The following CHLSN variants were observed in gnomAD, a reference collection of about 807,000 sequenced individuals.
CHLSN encodes the protein protein cholesin.
chr7:1,003,524 T>TG, the CHLSN span, among the ~76,000 whole-genome samples: 1 of 34,072 alleles, frequency 2.9e-5, no homozygotes. Flanking sequence ...TGGGGAGTCC[T>TG]TGGGTGAGTG....
chr7:1,015,343 G>A, the CHLSN span, among the ~76,000 whole-genome samples: 1 of 152,208 alleles, frequency 6.6e-6, no homozygotes, highest in East Asian at 1.9e-4. Flanking sequence ...GCACCAGCAG[G>A]TCTTTGTCAA....
At chr7:1,061,483 G>A in the CHLSN span, among the ~76,000 whole-genome samples, 1 of 152,046 alleles carries the variant, frequency 6.6e-6, no homozygotes, top group Admixed American at 6.5e-5. Flanking sequence ...TGAGCGCCAA[G>A]GCCTCCGTCC....
the CHLSN span, among the ~76,000 whole-genome samples, chr7:1,021,139 C>T: frequency 6.6e-6 from 1 of 151,474 alleles, no homozygotes; most frequent in Non-Finnish European, 1.5e-5. Context: ...AGGCTGGAGA[C>T]ATTCCAGTAG....
At chr7:992,834 C>T in the CHLSN span, among the ~76,000 whole-genome samples, 1 of 152,218 alleles carries the variant, frequency 6.6e-6, no homozygotes, top group Non-Finnish European at 1.5e-5. Context: ...CAGCCTAGCG[C>T]CCAGCTGTCT....
chr7:1,058,819 G>A, the CHLSN span: 1 of 411,086 alleles, frequency 2.4e-6, no homozygotes, highest in Admixed American at 4.2e-5. Context: ...TGTCAATGAA[G>A]TGATGAAAGC....
the CHLSN span, chr7:987,548 C>A: frequency 1.3e-6 from 2 of 1,503,612 alleles, no homozygotes; most frequent in East Asian, 5.0e-5. Context: ...CTGGGCCTCC[C>A]TTGCCCCTTC....
chr7:1,070,591 C>T, the CHLSN span, among the ~76,000 whole-genome samples: 533 of 143,860 alleles, frequency 3.7e-3, 5 homozygotes, highest in African/African-American at 0.012. Context: ...CACACGGACA[C>T]GCACACACAT....
At chr7:1,079,605 C>T in the CHLSN span, among the ~76,000 whole-genome samples, 1 of 152,214 alleles carries the variant, frequency 6.6e-6, no homozygotes, top group Non-Finnish European at 1.5e-5. Context: ...TCTGCACAAC[C>T]CCCCTCCCTG....
chr7:999,630 C>T, the CHLSN span, among the ~76,000 whole-genome samples: 1 of 152,234 alleles, frequency 6.6e-6, no homozygotes, highest in Non-Finnish European at 1.5e-5. Context: ...CAGGCTATGC[C>T]TGGAATGTCC....
the CHLSN span, among the ~76,000 whole-genome samples, chr7:1,136,378 A>AC: frequency 9.8e-6 from 1 of 102,208 alleles, no homozygotes; most frequent in Non-Finnish European, 1.6e-5. Flanking sequence ...AAATATATAT[A>AC]AATATATAAA....
chr7:1,023,028 C>T, the CHLSN span: 1 of 457,606 alleles, frequency 2.2e-6, no homozygotes, highest in South Asian at 1.5e-5. This position sits in a 1 kb window ranked among gnomAD's most constrained non-coding sequence, Gnocchi z 5.0. Context: ...GCCGCCCCGC[C>T]CCTGCGGAGC....
chr7:1,092,154 C>T, the CHLSN span: 2 of 1,613,548 alleles, frequency 1.2e-6, no homozygotes, highest in Non-Finnish European at 1.7e-6. Flanking sequence ...TCAACATGTA[C>T]AGCAGCGTCT....
chr7:1,007,947 G>T, the CHLSN span, among the ~76,000 whole-genome samples: 1 of 152,216 alleles, frequency 6.6e-6, no homozygotes, highest in East Asian at 1.9e-4. Flanking sequence ...GTGGTGGAGC[G>T]GATGGTCCCC....
At chr7:1,015,907 T>G in the CHLSN span, among the ~76,000 whole-genome samples, 3 of 152,172 alleles carry the variant, frequency 2.0e-5, no homozygotes, top group African/African-American at 2.4e-5. Flanking sequence ...CATGTGACAC[T>G]GATGTCACCT....
chr7:1,040,786 G>A, the CHLSN span, among the ~76,000 whole-genome samples: 1 of 151,710 alleles, frequency 6.6e-6, no homozygotes, highest in South Asian at 2.1e-4. Flanking sequence ...TAAGAGATAA[G>A]CTATGGACTG....
the CHLSN span, among the ~76,000 whole-genome samples, chr7:1,041,432 C>T: frequency 3.4e-5 from 5 of 147,424 alleles, no homozygotes; most frequent in African/African-American, 1.2e-4. Context: ...GTCCGCGCTG[C>T]GGGGAAGGGG....
At chr7:1,038,341 C>T in the CHLSN span, among the ~76,000 whole-genome samples, 16 of 91,990 alleles carry the variant, frequency 1.7e-4, no homozygotes, top group African/African-American at 4.1e-4. Flanking sequence ...CCACCCCGTC[C>T]GGGAGGTGAG....
At chr7:999,331 G>GT in the CHLSN span, among the ~76,000 whole-genome samples, 54 of 152,374 alleles carry the variant, frequency 3.5e-4, no homozygotes, top group Non-Finnish European at 7.2e-4. Flanking sequence ...TGCGCCGGGC[G>GT]TGAGGGTTTC....
At chr7:1,016,681 G>GCGCAC in the CHLSN span, among the ~76,000 whole-genome samples, 1 of 128,780 alleles carries the variant, frequency 7.8e-6, no homozygotes, top group African/African-American at 3.2e-5. Flanking sequence ...GCACACGCCA[G>GCGCAC]GGCACAGCAG....
Sources: allele counts gnomAD v4.1 joint callset (sites outside exome capture counted in the v4.1 genomes callset), GRCh38; gene constraint gnomAD v4.1.1; non-coding constraint Gnocchi (gnomAD v3.1); transcripts MANE v1.5; gene names NCBI Gene and HGNC (gene_info 2026-07-23, HGNC 2026-07-21).